TMEM164: variants seen among roughly 807,000 people sequenced by gnomAD.
The protein encoded by TMEM164 is RP13-360B22.2.
Under a neutral mutation model 18.8 loss-of-function variants are expected in TMEM164, and 4 were observed. The observed-to-expected ratio is 0.21, with a 90% CI of 0.10 to 0.49. The LOEUF (loss-of-function observed/expected upper bound fraction) is 0.49, where lower values mean the gene tolerates loss of function less well. Among genes scored for constraint, TMEM164 ranks in the 20% least tolerant of loss-of-function variants. The pLI, the probability that TMEM164 is intolerant of heterozygous loss-of-function variation, is 0.98. For synonymous variants in TMEM164, 86 were observed against 101.7 expected (o/e 0.85, Z 0.93); for missense variants, 108 against 239.9 (o/e 0.45, Z 3.63).
At chrX:110,090,314 T>A (rs2065906983) in intron 3 of TMEM164, among the ~76,000 whole-genome samples, 1 of 108,658 alleles carries the variant, frequency 9.2e-6, no homozygotes, top group Admixed American at 1.0e-4. Flanking sequence ...AGTCTGAATT[T>A]TTTTTTTTTT....
At chrX:110,026,325 C>G (rs1569298746) in intron 2 of TMEM164, among the ~76,000 whole-genome samples, 1 of 111,750 alleles carries the variant, frequency 8.9e-6, no homozygotes, top group Non-Finnish European at 1.9e-5. Context: ...GCGGAAATCT[C>G]CAGAGAAAAG....
At chrX:110,006,400 A>T (rs1381689624) in intron 2 of TMEM164, among the ~76,000 whole-genome samples, 1 of 110,904 alleles carries the variant, frequency 9.0e-6, no homozygotes, top group African/African-American at 3.3e-5. Flanking sequence ...AGCCATGCCG[A>T]GGAGTTCTTG....
rs139249773 is a variant in TMEM164 at position 110,095,926 on chromosome X, G to A, written c.441-13154G>A. 4.3e-3 allele frequency among the ~76,000 whole-genome samples: 486 copies of A among 112,519 alleles called. 1 individual carries two copies. The highest frequency in any genetic ancestry group is 0.014 in the African/African-American group (449 of 31,016). On this transcript the variant is annotated intron_variant, in intron 3 of 6. Coordinates refer to ENST00000372068, the MANE Select transcript of TMEM164 (RefSeq NM_032227.4). ...TAACAGTCAGGACCCTCAGCTGCAG[G>A]TCTGTTGGAGTTTGCTGGACGTCCA...
chrX:110,094,450 G>A (rs2065982111), intron 3 of TMEM164, among the ~76,000 whole-genome samples: 1 of 111,467 alleles, frequency 9.0e-6, no homozygotes, highest in Non-Finnish European at 1.9e-5. Context: ...GGCCTTCTTT[G>A]TCTCTTGATC....
chrX:110,103,973 A>G (rs1189901175), intron 3 of TMEM164, among the ~76,000 whole-genome samples: 3 of 111,488 alleles, frequency 2.7e-5, no homozygotes, highest in Non-Finnish European at 5.6e-5. Context: ...GTTTTTGACA[A>G]TTTGAAAAAA....
intron 5 of TMEM164, among the ~76,000 whole-genome samples, chrX:110,168,021 G>A (rs770401528): frequency 1.8e-5 from 2 of 112,089 alleles, no homozygotes; most frequent in Admixed American, 1.9e-4. Context: ...CAACACCCAC[G>A]GGCTTTCCTG....
chrX:110,144,740 C>T, intron 4 of TMEM164, 58 bp from the exon 5 acceptor site: 3 of 1,037,751 alleles, frequency 2.9e-6, no homozygotes, highest in South Asian at 2.2e-5. Context: ...CAACTTTGGA[C>T]TCTGTTGAAA....
At chrX:110,097,083 A>G (rs1445979267) in intron 3 of TMEM164, among the ~76,000 whole-genome samples, 1 of 111,754 alleles carries the variant, frequency 8.9e-6, no homozygotes, top group Non-Finnish European at 1.9e-5. Context: ...GGCTCACTTC[A>G]GCCTCCGCCT....
chrX:110,006,550 G>A (rs1004351680), intron 2 of TMEM164, among the ~76,000 whole-genome samples: 17 of 110,123 alleles, frequency 1.5e-4, no homozygotes, highest in Admixed American at 5.8e-4. Context: ...GCTTTTCCTG[G>A]GAAGCAGGAA....
At chrX:110,101,451 G>A (rs1294648231) in intron 3 of TMEM164, among the ~76,000 whole-genome samples, 1 of 110,186 alleles carries the variant, frequency 9.1e-6, no homozygotes, top group Non-Finnish European at 1.9e-5. Flanking sequence ...TAATTGCTAG[G>A]GTTCTAATAT....
intron 2 of TMEM164, among the ~76,000 whole-genome samples, chrX:110,022,199 A>ATGTG (rs754713777): frequency 8.4e-5 from 9 of 107,592 alleles, no homozygotes; most frequent in Admixed American, 3.0e-4. Context: ...ACCACTAGAA[A>ATGTG]TGTGTGTGTG....
At chrX:110,076,973 A>C (rs1378909527) in intron 3 of TMEM164, among the ~76,000 whole-genome samples, 1 of 112,169 alleles carries the variant, frequency 8.9e-6, no homozygotes, top group East Asian at 2.8e-4. Flanking sequence ...TATTAGGTCC[A>C]ATTGGTTAAC....
chrX:110,064,058 C>T lies in TMEM164; in HGVS notation c.391-3289C>T, dbSNP rs139674937. The stretch of plus-strand genomic sequence containing the variant: ...CCTTTTCCCCTCAGTTTCCTCATCT[C>T]TGAAATGGGGTTTAATAACATGGTT... On this transcript the variant is annotated intron_variant, in intron 2 of 6. Coordinates refer to ENST00000372068, the MANE Select transcript of TMEM164 (RefSeq NM_032227.4). Among the ~76,000 whole-genome samples the T allele has an allele frequency of 3.6e-3, 397 of 111,405 alleles. 1 individual carries two copies. Among genetic ancestry groups the T allele is most frequent in the African/African-American group, 0.011 (348 of 30,620 alleles).
At chrX:110,113,965 G>T (rs982963884) in intron 4 of TMEM164, among the ~76,000 whole-genome samples, 1 of 111,618 alleles carries the variant, frequency 9.0e-6, no homozygotes, top group Non-Finnish European at 1.9e-5. Context: ...TGGAGTGAAG[G>T]AGGGGAAGTA....
chrX:110,044,593 CTTTTT>C (rs56400284), intron 2 of TMEM164, among the ~76,000 whole-genome samples: 15 of 35,950 alleles, frequency 4.2e-4, no homozygotes, highest in Non-Finnish European at 2.6e-4. Flanking sequence ...CCATTCCTTG[CTTTTT>C]TTTTTTTTTT....
intron 4 of TMEM164, among the ~76,000 whole-genome samples, chrX:110,134,974 C>T (rs2066668176): frequency 9.0e-6 from 1 of 111,486 alleles, no homozygotes; most frequent in South Asian, 3.7e-4. Flanking sequence ...TTGCTGTTAA[C>T]AGTTTGGTGT....
intron 2 of TMEM164, among the ~76,000 whole-genome samples, chrX:110,025,643 C>T (rs761531532): frequency 3.6e-5 from 4 of 112,302 alleles, no homozygotes; most frequent in African/African-American, 1.3e-4. Flanking sequence ...GTTGCTCAGT[C>T]ATGCCACGAA....
At position 110,017,807 on chromosome X, in the gene TMEM164, G is replaced by T. The variant is rs187943904; in HGVS notation, c.390+13643G>T. ...TGGTCTCGAACTCCTGACCTCAGGT[G>T]ATCTGTCTGCCTCCACCTCCCAAAG... On this transcript the variant is annotated intron_variant, in intron 2 of 6. Coordinates refer to ENST00000372068, the MANE Select transcript of TMEM164 (RefSeq NM_032227.4). Among the ~76,000 whole-genome samples the T allele has an allele frequency of 3.0e-3, 326 of 109,395 alleles. 3 individuals are homozygous for T. Among genetic ancestry groups the T allele is most frequent in the African/African-American group, 0.01 (308 of 29,951 alleles). The allele number at this position is 109,395 out of a possible 115,157, so 95.0% of individuals were successfully genotyped here.
At chrX:110,113,358 G>T (rs180683675) in intron 4 of TMEM164, among the ~76,000 whole-genome samples, 63 of 111,487 alleles carry the variant, frequency 5.7e-4, no homozygotes, top group African/African-American at 2.0e-3. Context: ...ATCCCTCTTG[G>T]ACTACTCTGG....
Sources: gnomAD v4.1 joint callset for allele counts (sites outside exome capture counted in the v4.1 genomes callset) on GRCh38, gnomAD v4.1.1 for gene constraint, MANE v1.5 for transcripts, NCBI Gene and HGNC (gene_info 2026-07-23, HGNC 2026-07-21) for gene names.